The following POLR3B variants were observed in gnomAD, a reference collection of about 807,000 sequenced individuals.
POLR3B encodes the protein DNA-directed RNA polymerase III subunit RPC2.
A neutral mutation model predicts 147.4 loss-of-function variants in POLR3B; 96 were observed. The ratio of observed to expected loss-of-function variants is 0.65; its 90% CI spans 0.55 to 0.77. The LOEUF (loss-of-function observed/expected upper bound fraction) is 0.77. Among genes scored for constraint, POLR3B ranks in the 30% least tolerant of loss-of-function variants. The pLI is 0.00. For missense variants in POLR3B, 1,036 were observed against 1,413.5 expected, an observed-to-expected ratio of 0.73 and a Z score of 4.28; for synonymous variants, 461 against 485.9, an observed-to-expected ratio of 0.95 and a Z score of 0.67.
At chr12:106,405,720 T>A in intron 10 of POLR3B, 137 bp from the exon 11 acceptor site, 1 of 806,588 alleles carries the variant, frequency 1.2e-6, no homozygotes, top group South Asian at 1.5e-5. Flanking sequence ...AAACGTTGAT[T>A]TTCAACTAGA....
At chr12:106,411,996 C>T (rs1328198290) in intron 12 of POLR3B, among the ~76,000 whole-genome samples, 1 of 152,080 alleles carries the variant, frequency 6.6e-6, no homozygotes, top group African/African-American at 2.4e-5. Flanking sequence ...TTATTTACAT[C>T]CTTGTATTTT....
At chr12:106,447,379 G>A (rs770368075) in intron 19 of POLR3B, among the ~76,000 whole-genome samples, 5 of 152,136 alleles carry the variant, frequency 3.3e-5, no homozygotes, top group African/African-American at 7.2e-5. Context: ...GCTAATCCAC[G>A]ATAAAACACC....
intron 1 of POLR3B, among the ~76,000 whole-genome samples, chr12:106,360,661 G>C (rs528162262): frequency 1.2e-3 from 184 of 152,276 alleles, no homozygotes; most frequent in African/African-American, 4.1e-3. Context: ...TTGTGCTTAT[G>C]GTAGCACAGC....
intron 19 of POLR3B, among the ~76,000 whole-genome samples, chr12:106,452,435 C>A (rs539399303): frequency 6.6e-6 from 1 of 152,262 alleles, no homozygotes; most frequent in East Asian, 1.9e-4. Flanking sequence ...TAGCAGGATC[C>A]AGTCTCTTTC....
chr12:106,507,699 A>G (rs1394854242), intron 27 of POLR3B: 3 of 452,132 alleles, frequency 6.6e-6, no homozygotes, highest in African/African-American at 2.0e-5. Flanking sequence ...CATAACATCA[A>G]CTGTGCATTT....
chr12:106,370,208 T>C (rs1187848699), intron 6 of POLR3B, among the ~76,000 whole-genome samples: 4 of 152,230 alleles, frequency 2.6e-5, no homozygotes, highest in African/African-American at 4.8e-5. Flanking sequence ...TACTAGACTT[T>C]AAACTCAGTC....
intron 16 of POLR3B, among the ~76,000 whole-genome samples, chr12:106,435,584 G>T (rs924836270): frequency 9.2e-5 from 14 of 152,108 alleles, no homozygotes; most frequent in African/African-American, 3.4e-4. Flanking sequence ...ACTGAGTTGT[G>T]TGACTCTGAG....
intron 18 of POLR3B, among the ~76,000 whole-genome samples, chr12:106,443,555 T>C (rs1219958151): frequency 6.6e-6 from 1 of 152,042 alleles, no homozygotes; most frequent in Non-Finnish European, 1.5e-5. Context: ...TCTTGCTCTG[T>C]TGCCCGGGCT....
chr12:106,480,013 CT>C (rs1463072660), intron 23 of POLR3B, among the ~76,000 whole-genome samples: 2 of 142,838 alleles, frequency 1.4e-5, no homozygotes, highest in Non-Finnish European at 3.1e-5. Flanking sequence ...TTTTTTTTGG[CT>C]TTTTTTATTA....
chr12:106,501,488 T>C (rs778089538), intron 26 of POLR3B, 52 bp downstream of exon 26: 25 of 1,087,708 alleles, frequency 2.3e-5, no homozygotes, highest in Admixed American at 3.5e-5. Context: ...AAGTCCACCT[T>C]GTATTTTCCA....
At chr12:106,406,188 C>G (rs2037148883) in intron 11 of POLR3B, among the ~76,000 whole-genome samples, 1 of 152,044 alleles carries the variant, frequency 6.6e-6, no homozygotes, top group African/African-American at 2.4e-5. Context: ...CATGTTTATT[C>G]TCTTGTGGTT....
chr12:106,407,059 C>T (rs2037160491), intron 11 of POLR3B, among the ~76,000 whole-genome samples: 1 of 152,224 alleles, frequency 6.6e-6, no homozygotes, highest in Non-Finnish European at 1.5e-5. Flanking sequence ...TAATACAGGT[C>T]TCTCATTCTG....
In POLR3B at chr12:106,357,899, A is replaced by G; in HGVS notation, c.20A>G (p.Glu7Gly). 1.2e-6 allele frequency: 2 copies of G among 1,613,494 alleles called. No homozygotes were observed. The highest frequency in any genetic ancestry group is 3.3e-5 in the Admixed American group (2 of 60,016). The change falls in exon 1 of 28, where the codon GAG becomes GGG. Residue 7 changes from glutamate (E) to glycine (G), a missense_variant. Glu to Gly is a moderately conservative substitution (Grantham distance 98). Transcript: ENST00000228347. ...AGCAGCATGGACGTGCTAGCGGAGGAGTTTGGGAACCTGACTCCGGAGCAG... is the reference window on the plus strand; with the variant it reads ...AGCAGCATGGACGTGCTAGCGGAGGGGTTTGGGAACCTGACTCCGGAGCAG... MDVLAE[E>G]FGNLTPEQLA...
In POLR3B at chr12:106,374,940, A is replaced by G. The variant is rs563559674; in HGVS notation, c.405-1419A>G. On this transcript the variant is annotated intron_variant, in intron 6 of 27. Coordinates refer to ENST00000228347, the MANE Select transcript of POLR3B (RefSeq NM_018082.6). ...CTCACCATACATTTTTACACGTCAG[A>G]CTTTTGGTTAGTGTTTATTTTCCGT... Among the ~76,000 whole-genome samples the G allele has an allele frequency of 2.6e-5, 4 of 152,182 alleles. No homozygotes were observed. In the South Asian group the frequency reaches 8.3e-4, roughly 32 times the overall value.
At chr12:106,408,213 A>G (rs1306193725) in intron 11 of POLR3B, among the ~76,000 whole-genome samples, 2 of 152,196 alleles carry the variant, frequency 1.3e-5, no homozygotes, top group African/African-American at 4.8e-5. Flanking sequence ...GATATTCGTG[A>G]TGGTGGAACT....
intron 9 of POLR3B, among the ~76,000 whole-genome samples, chr12:106,381,057 C>A (rs2036756300): frequency 6.6e-6 from 1 of 152,276 alleles, no homozygotes; most frequent in East Asian, 1.9e-4. Flanking sequence ...CTAAAAAATT[C>A]TAACAATTAT....
chr12:106,398,032 C>T (rs1017686532), intron 10 of POLR3B, among the ~76,000 whole-genome samples: 3 of 152,210 alleles, frequency 2.0e-5, no homozygotes, highest in Non-Finnish European at 2.9e-5. Context: ...AGCAGGGCGA[C>T]GCATCACCTC....
chr12:106,463,347 T>C, intron 22 of POLR3B, 131 bp from the exon 23 acceptor site: 1 of 762,998 alleles, frequency 1.3e-6, no homozygotes, highest in South Asian at 1.7e-5. Context: ...AAAATTGAAG[T>C]CATTTTTCAG....
intron 2 of POLR3B, among the ~76,000 whole-genome samples, 164 bp from the exon 3 acceptor site, chr12:106,366,352 A>T (rs2036535538): frequency 6.6e-6 from 1 of 152,228 alleles, no homozygotes; most frequent in Admixed American, 6.5e-5. Context: ...TAATGAAAAG[A>T]TTTATTAAAT....
Sources: gnomAD v4.1 joint callset for allele counts (sites outside exome capture counted in the v4.1 genomes callset) on GRCh38, gnomAD v4.1.1 for gene constraint, MANE v1.5 for transcripts, NCBI Gene and HGNC (gene_info 2026-07-23, HGNC 2026-07-21) for gene names.